MAF: variants seen among roughly 807,000 people sequenced by gnomAD.
MAF encodes the protein transcription factor Maf.
MAF carries 10 observed loss-of-function variants against 22.0 expected under a neutral mutation model. The observed-to-expected ratio is 0.45, with a 90% CI of 0.28 to 0.77. The LOEUF is 0.77. Among genes scored for constraint, MAF ranks in the 30% least tolerant of loss-of-function variants. The pLI is 0.12. For missense variants in MAF, 544 were observed against 548.4 expected (o/e 0.99, Z 0.08); for synonymous variants, 337 against 255.8 (o/e 1.32, Z -3.03).
chr16:79,458,296 A>G, the MAF span, among the ~76,000 whole-genome samples: 1 of 152,084 alleles, frequency 6.6e-6, no homozygotes, highest in Non-Finnish European at 1.5e-5. Context: ...AGTCCTGAGA[A>G]GGCATGTGTC....
the MAF span, among the ~76,000 whole-genome samples, chr16:79,558,855 G>C: frequency 6.6e-6 from 1 of 152,190 alleles, no homozygotes; most frequent in African/African-American, 2.4e-5. Context: ...TGATTCTTTG[G>C]AAGGTATTTG....
the MAF span, among the ~76,000 whole-genome samples, chr16:79,562,302 G>A: frequency 1.6e-4 from 24 of 152,236 alleles, no homozygotes; most frequent in African/African-American, 2.6e-4. Context: ...ACATGGACAA[G>A]GTTTGTTTTG....
At chr16:79,229,033 T>C in the MAF span, among the ~76,000 whole-genome samples, 7 of 151,752 alleles carry the variant, frequency 4.6e-5, no homozygotes, top group Non-Finnish European at 1.5e-5. Flanking sequence ...TACAGCACAG[T>C]AGAAAAAGCC....
chr16:79,202,671 G>GT, the MAF span: 1 of 152,090 alleles, frequency 6.6e-6, no homozygotes. Context: ...GTTTGAGAGA[G>GT]TTTTTTCCCC....
At chr16:79,367,574 C>G in the MAF span, among the ~76,000 whole-genome samples, 4 of 152,168 alleles carry the variant, frequency 2.6e-5, no homozygotes, top group Admixed American at 6.5e-5. Context: ...TATGGCAGCA[C>G]TGTCCAATGC....
the MAF span, among the ~76,000 whole-genome samples, chr16:79,301,594 G>A: frequency 7.7e-6 from 1 of 130,208 alleles, no homozygotes; most frequent in Non-Finnish European, 1.6e-5. Context: ...ACATTTAAAT[G>A]CATTTATTCA....
the MAF span, among the ~76,000 whole-genome samples, chr16:79,244,123 AAAAC>A: frequency 6.6e-6 from 1 of 152,080 alleles, no homozygotes; most frequent in African/African-American, 2.4e-5. Context: ...TGAAGGGGCA[AAAAC>A]TGGAAGCATG....
chr16:79,431,179 C>A, the MAF span, among the ~76,000 whole-genome samples: 2 of 152,158 alleles, frequency 1.3e-5, no homozygotes, highest in Non-Finnish European at 2.9e-5. Context: ...CTCAACCAAG[C>A]ATTTTTGTGC....
intron 1 of MAF, among the ~76,000 whole-genome samples, chr16:79,588,806 G>C (rs1033093636): frequency 6.6e-6 from 1 of 151,606 alleles, no homozygotes; most frequent in African/African-American, 2.4e-5. Context: ...TGTGTTAAAG[G>C]GTCCCAGGAA....
At chr16:79,545,438 A>T in the MAF span, among the ~76,000 whole-genome samples, 1 of 152,058 alleles carries the variant, frequency 6.6e-6, no homozygotes, top group Admixed American at 6.6e-5. Context: ...CAAGTGTGGC[A>T]CCCATTTGAG....
the MAF span, among the ~76,000 whole-genome samples, chr16:79,532,528 C>G: frequency 2.0e-5 from 3 of 152,224 alleles, no homozygotes; most frequent in South Asian, 4.2e-4. Context: ...TTCTCGACTC[C>G]GGAGAGAGGC....
At chr16:79,572,879 C>T in the MAF span, among the ~76,000 whole-genome samples, 2 of 152,308 alleles carry the variant, frequency 1.3e-5, no homozygotes, top group African/African-American at 4.8e-5. Context: ...GGTGTTATGT[C>T]TGTGAATAGT....
Position 79,598,573 on chromosome 16 carries a change from G to C in MAF, c.1118+212C>G, listed in dbSNP as rs1913723248. 3.5e-6 allele frequency: 5 copies of C among 1,425,232 alleles called. No individual in the cohort carries two copies. In the African/African-American group the frequency reaches 5.0e-5, roughly 14 times the overall value. The allele number at this position is 1,425,232 out of a possible 1,614,324, so 88.3% of individuals were successfully genotyped here. A position where few individuals can be genotyped will look rare whatever the true frequency, so the allele number is the denominator to read the frequency against. On this transcript the variant is annotated intron_variant, in intron 1 of 1. Coordinates refer to ENST00000326043, the MANE Select transcript of MAF (RefSeq NM_005360.5). ...GCCACCACCACCACAAACTCGAGCA[G>C]GGTGTGGGGTGTGTGTGTGTGTGTG...
chr16:79,316,518 A>AT, the MAF span, among the ~76,000 whole-genome samples: 1 of 152,086 alleles, frequency 6.6e-6, no homozygotes, highest in African/African-American at 2.4e-5. Flanking sequence ...AATGGGATAA[A>AT]TGTTACCTTC....
the MAF span, among the ~76,000 whole-genome samples, chr16:79,528,881 C>A: frequency 1.3e-5 from 2 of 152,162 alleles, no homozygotes; most frequent in African/African-American, 4.8e-5. Flanking sequence ...CAGTAATGTG[C>A]CTTCCCTTTC....
the MAF span, among the ~76,000 whole-genome samples, chr16:79,373,525 G>A: frequency 6.6e-6 from 1 of 151,750 alleles, no homozygotes; most frequent in East Asian, 1.9e-4. Flanking sequence ...TGGAATTGCA[G>A]GCATGTGCCA....
At chr16:79,215,937 C>G in the MAF span, among the ~76,000 whole-genome samples, 1 of 152,196 alleles carries the variant, frequency 6.6e-6, no homozygotes, top group South Asian at 2.1e-4. Context: ...TCTCCCTGAA[C>G]CCACTCAGTC....
the MAF span, among the ~76,000 whole-genome samples, chr16:79,565,512 G>A: frequency 2.6e-5 from 4 of 152,180 alleles, no homozygotes; most frequent in Non-Finnish European, 5.9e-5. Context: ...GTTGTGGGGG[G>A]GGGGACCAGT....
the MAF span, among the ~76,000 whole-genome samples, chr16:79,412,052 T>C: frequency 6.6e-6 from 1 of 152,240 alleles, no homozygotes; most frequent in Non-Finnish European, 1.5e-5. Flanking sequence ...GAGCACTTAG[T>C]ACACGTCAGG....
Sources: allele counts gnomAD v4.1 joint callset (sites outside exome capture counted in the v4.1 genomes callset), GRCh38; gene constraint gnomAD v4.1.1; transcripts MANE v1.5; gene names NCBI Gene and HGNC (gene_info 2026-07-23, HGNC 2026-07-21).